Variants in ASIC2 observed in about 807,000 individuals in gnomAD.
The protein encoded by ASIC2 is acid-sensing ion channel 2.
Under a neutral mutation model 57.3 loss-of-function variants are expected in ASIC2, and 25 were observed. The observed-to-expected ratio is 0.44, with a 90% CI of 0.32 to 0.61. ASIC2 has a LOEUF of 0.61. ASIC2 is among the 20% of genes least tolerant of loss of function. The pLI is 0.06. For synonymous variants in ASIC2, 319 were observed against 307.5 expected, an observed-to-expected ratio of 1.04 and a Z score of -0.39; for missense variants, 641 against 738.1, an observed-to-expected ratio of 0.87 and a Z score of 1.52.
chr17:33,423,776 GC>G (rs1412314468), intron 1 of ASIC2, among the ~76,000 whole-genome samples: 2 of 152,216 alleles, frequency 1.3e-5, no homozygotes, highest in Non-Finnish European at 2.9e-5. Context: ...AACAACTCAT[GC>G]AGCAGCTCAG....
intron 1 of ASIC2, among the ~76,000 whole-genome samples, chr17:33,365,310 G>T (rs1908765137): frequency 6.6e-6 from 1 of 152,036 alleles, no homozygotes; most frequent in Non-Finnish European, 1.5e-5. Context: ...CTCTTCTCAT[G>T]CTGCATAAGT....
chr17:33,240,966 A>G (rs1015662552), intron 1 of ASIC2, among the ~76,000 whole-genome samples: 2 of 152,168 alleles, frequency 1.3e-5, no homozygotes, highest in African/African-American at 4.8e-5. Flanking sequence ...TGCCTATTAC[A>G]TACTACAAAT....
At chr17:34,076,085 C>T (rs1197925518) in intron 1 of ASIC2, among the ~76,000 whole-genome samples, 1 of 151,926 alleles carries the variant, frequency 6.6e-6, no homozygotes, top group Non-Finnish European at 1.5e-5. Context: ...TCACTGCAAG[C>T]TCCGCCTCCC....
chr17:33,625,213 ATCTATCTATCTG>A (rs1466481788), intron 1 of ASIC2, among the ~76,000 whole-genome samples: 2 of 151,810 alleles, frequency 1.3e-5, no homozygotes, highest in African/African-American at 4.8e-5. Context: ...CTATCTATCT[ATCTATCTATCTG>A]TCTATCTATC....
chr17:33,530,532 A>G (rs1915018905), intron 1 of ASIC2, among the ~76,000 whole-genome samples: 1 of 152,224 alleles, frequency 6.6e-6, no homozygotes, highest in African/African-American at 2.4e-5. Context: ...GAAACCACTT[A>G]ATTGGCATGA....
At chr17:33,640,017 C>G (rs1188422451) in intron 1 of ASIC2, among the ~76,000 whole-genome samples, 1 of 152,176 alleles carries the variant, frequency 6.6e-6, no homozygotes, top group Non-Finnish European at 1.5e-5. Flanking sequence ...TATTCCTGAA[C>G]TCCCTCACCC....
At chr17:33,586,215 A>C (rs1296765131) in intron 1 of ASIC2, among the ~76,000 whole-genome samples, 1 of 152,098 alleles carries the variant, frequency 6.6e-6, no homozygotes, top group East Asian at 1.9e-4. Flanking sequence ...TATCCTCATA[A>C]AGAAGCCAGT....
chr17:33,250,198 G>C (rs750309581), intron 1 of ASIC2, among the ~76,000 whole-genome samples: 3 of 152,220 alleles, frequency 2.0e-5, no homozygotes, highest in Non-Finnish European at 4.4e-5. Flanking sequence ...GCACATCATA[G>C]GTGCTCAAGA....
At chr17:33,242,313 C>CAAA (rs34667054) in intron 1 of ASIC2, among the ~76,000 whole-genome samples, 1 of 110,898 alleles carries the variant, frequency 9.0e-6, no homozygotes, top group Non-Finnish European at 1.9e-5. Context: ...GAGACTCCGT[C>CAAA]AAAAAAAAAA....
chr17:33,166,435 G>C (rs548353101), intron 1 of ASIC2, among the ~76,000 whole-genome samples: 3 of 152,230 alleles, frequency 2.0e-5, no homozygotes, highest in Non-Finnish European at 2.9e-5. Flanking sequence ...TTGGGACCAA[G>C]TACTGGCAGG....
intron 1 of ASIC2, among the ~76,000 whole-genome samples, chr17:33,773,406 G>T (rs1414709500): frequency 2.0e-5 from 3 of 152,136 alleles, no homozygotes. Context: ...CAGAGAATTA[G>T]CTTGTTCTAG....
At chr17:33,326,370 T>C (rs1452593730) in intron 1 of ASIC2, among the ~76,000 whole-genome samples, 1 of 152,168 alleles carries the variant, frequency 6.6e-6, no homozygotes, top group Non-Finnish European at 1.5e-5. Context: ...TTCCCAACTA[T>C]CCCTCATTGT....
chr17:33,986,201 A>G (rs1905811794), intron 1 of ASIC2, among the ~76,000 whole-genome samples: 1 of 151,442 alleles, frequency 6.6e-6, no homozygotes, highest in African/African-American at 2.4e-5. Context: ...TGAGAACAGG[A>G]ATCTGGTTTT....
In ASIC2 at chr17:33,291,949, C is replaced by A; in HGVS notation, c.167G>T (p.Arg56Met). The A allele has an allele frequency of 6.6e-7, 1 of 1,508,244 alleles. No homozygotes were observed. Among genetic ancestry groups the A allele is most frequent in the East Asian group, 2.5e-5 (1 of 40,126 alleles). The allele number at this position is 1,508,244 out of a possible 1,614,324, so 93.4% of individuals were successfully genotyped here. Residue 56 changes from arginine (R) to methionine (M), a missense_variant, in exon 1 of 10, where the codon AGG (arginine) becomes ATG (methionine). Physicochemically the swap from Arg to Met is moderately conservative, Grantham distance 91. This residue lies in a region of ASIC2 where 382 missense variants were observed against 398.0 expected (regional missense o/e 0.96). Transcript: ENST00000225823. Reference protein sequence around the residue: ...RALQGPGVARRGRPSLSRAKL... With the variant: ...RALQGPGVARMGRPSLSRAKL... The stretch of plus-strand genomic sequence containing the variant: ...AGCGCGGCTCAGCGATGGCCGCCCC[C>A]TGCGGGCGACCCCTGGCCCCTGCAG...
At chr17:33,914,918 T>C (rs1915551814) in intron 1 of ASIC2, among the ~76,000 whole-genome samples, 1 of 152,210 alleles carries the variant, frequency 6.6e-6, no homozygotes. Context: ...TTCTTTTCTA[T>C]ATCTTAAGAA....
At chr17:33,726,614 C>T (rs368748790) in intron 1 of ASIC2, among the ~76,000 whole-genome samples, 95 of 152,256 alleles carry the variant, frequency 6.2e-4, no homozygotes, top group African/African-American at 2.1e-3. Context: ...TCTGCCTTTC[C>T]GCATTTCCTC....
chr17:33,301,715 A>G lies in ASIC2; in HGVS notation c.556-189648T>C, dbSNP rs147926121. 2.5e-3 allele frequency among the ~76,000 whole-genome samples: 387 copies of G among 152,336 alleles called. 3 individuals are homozygous for G. The highest frequency in any genetic ancestry group is 8.9e-3 in the African/African-American group (370 of 41,576). On this transcript the variant is annotated intron_variant, in intron 1 of 9. Transcript: ENST00000359872. ...TAAAAGGCAATTTAAATAAAGCATG[A>G]TAAATGCTTTATCAGGGATGAGCAC...
At chr17:33,209,174 A>G (rs1242699344) in intron 1 of ASIC2, among the ~76,000 whole-genome samples, 1 of 152,166 alleles carries the variant, frequency 6.6e-6, no homozygotes, top group African/African-American at 2.4e-5. Context: ...GTTAGGGTTT[A>G]CTCACTAACC....
chr17:33,307,062 C>T (rs1159160546), intron 1 of ASIC2, among the ~76,000 whole-genome samples: 2 of 152,130 alleles, frequency 1.3e-5, no homozygotes, highest in Non-Finnish European at 2.9e-5. Context: ...CACCCTGGCC[C>T]CATCCACCTA....
Sources: allele counts gnomAD v4.1 joint callset (sites outside exome capture counted in the v4.1 genomes callset), GRCh38; gene constraint gnomAD v4.1.1; regional missense constraint gnomAD v4.1.1; transcripts MANE v1.5; gene names NCBI Gene and HGNC (gene_info 2026-07-23, HGNC 2026-07-21).